The following COX6B1 variants were observed in gnomAD, a reference collection of about 807,000 sequenced individuals.
COX6B1 encodes COX VIb-1.
A neutral mutation model predicts 14.0 loss-of-function variants in COX6B1; 2 were observed. That is an observed-to-expected ratio of 0.14 (90% CI 0.06 to 0.45). COX6B1 has a LOEUF of 0.45. Ranked by LOEUF, COX6B1 falls within the 20% of genes least tolerant of loss-of-function variation. The pLI, the probability that COX6B1 is intolerant of heterozygous loss-of-function variation, is 0.98. For synonymous variants in COX6B1, 30 were observed against 39.7 expected (o/e 0.76, Z 0.92); for missense variants, 81 against 114.2 (o/e 0.71, Z 1.33).
At chr19:35,656,143 T>TA (rs1017679400) in intron 3 of COX6B1, among the ~76,000 whole-genome samples, 37 of 152,030 alleles carry the variant, frequency 2.4e-4, no homozygotes, top group African/African-American at 8.2e-4. Context: ...TCTTTCAAAA[T>TA]AAAAAAAATT....
rs1482879374 is a variant in COX6B1 at position 35,654,677 on chromosome 19, T to C, written c.207+6T>C. On this transcript the variant is annotated splice_donor_region_variant and intron_variant, in intron 3 of 3. Transcript: ENST00000649813. ...CCCTCTGCCCCACATCCTGGGTATG[T>C]GCCTCCTGCCAGGGCCCTTGGGATG... 18 of 1,613,552 alleles carry C rather than the reference T, an allele frequency of 1.1e-5. No homozygotes were observed. The South Asian group carries it at 1.9e-4, about 17-fold the overall frequency.
intron 1 of COX6B1, among the ~76,000 whole-genome samples, chr19:35,650,204 A>T (rs149739708): frequency 6.6e-6 from 1 of 151,894 alleles, no homozygotes; most frequent in East Asian, 1.9e-4. Flanking sequence ...GGGTTTCACC[A>T]TGTTGGCCAG....
Position 35,648,498 on chromosome 19 carries a change from G to A in COX6B1, c.-12+95G>A, listed in dbSNP as rs912464287. ...TGAGAACGGGTTGAGGCTTCCGGCT[G>A]GCGGCGTCCGGCCTCCCTGGACCCC... On this transcript the variant is annotated intron_variant, in intron 1 of 3. Coordinates refer to ENST00000649813, the MANE Select transcript of COX6B1 (RefSeq NM_001863.5). The A allele has an allele frequency of 9.4e-5, 21 of 224,512 alleles. No homozygotes were observed. In the South Asian group the frequency reaches 9.8e-4, roughly 10 times the overall value. The allele number at this position is 224,512 out of a possible 1,614,324, so 13.9% of individuals were successfully genotyped here. A position where few individuals can be genotyped will look rare whatever the true frequency, so the allele number is the denominator to read the frequency against.
chr19:35,648,728 C>T, intron 1 of COX6B1: 2 of 436,148 alleles, frequency 4.6e-6, no homozygotes, highest in Admixed American at 2.5e-5. Flanking sequence ...CAGGATTTGG[C>T]CCAGGAGTTT....
At position 35,658,702 on chromosome 19, in the gene COX6B1, G is replaced by A; in HGVS notation, c.*55G>A. 2 of 1,525,536 alleles carry A rather than the reference G, an allele frequency of 1.3e-6. No homozygotes were observed. The highest frequency in any genetic ancestry group is 1.8e-6 in the Non-Finnish European group (2 of 1,099,620). 94.5% of individuals were successfully genotyped at this position (1,525,536 alleles called of 1,614,324 possible). ...CCATCCTTCTCCCAGGATGGTGAAG[G>A]GGGACCTGGTACCCAGTGATCCCCA... On this transcript the variant is annotated 3_prime_UTR_variant, in exon 4 of 4. Coordinates refer to ENST00000649813, the MANE Select transcript of COX6B1 (RefSeq NM_001863.5).
chr19:35,653,736 G>A (rs974841102), intron 2 of COX6B1, among the ~76,000 whole-genome samples: 4 of 150,890 alleles, frequency 2.7e-5, no homozygotes, highest in Non-Finnish European at 5.9e-5. Flanking sequence ...GCCCGCCACC[G>A]CGCCCAGCTA....
chr19:35,648,662 T>C, intron 1 of COX6B1: 1 of 360,398 alleles, frequency 2.8e-6, no homozygotes, highest in South Asian at 2.0e-5. Flanking sequence ...TTATCCCCTT[T>C]TGTCAGTAAA....
Position 35,658,640 on chromosome 19 carries a change from A to G in COX6B1, c.254A>G (p.Lys85Arg). Residue 85 changes from lysine to arginine, a missense_variant, in exon 4 of 4, where the codon AAG becomes AGG. Physicochemically the swap from Lys to Arg is conservative, Grantham distance 26 (BLOSUM62 2). Coordinates refer to ENST00000649813, the MANE Select transcript of COX6B1 (RefSeq NM_001863.5). The stretch of plus-strand genomic sequence containing the variant: ...CGGGCTGAAGGCACGTTTCCCGGGA[A>G]GATCTGAACTGGCTGCATCTCCCTT... ...EQRAEGTFPGKI is the reference protein window; with the variant it reads ...EQRAEGTFPGRI The G allele has an allele frequency of 6.2e-7, 1 of 1,613,880 alleles. No individual in the cohort carries two copies. Among genetic ancestry groups the G allele is most frequent in the Non-Finnish European group, 8.5e-7 (1 of 1,179,806 alleles).
chr19:35,654,026 C>G (rs1190384052), intron 2 of COX6B1, among the ~76,000 whole-genome samples: 2 of 152,242 alleles, frequency 1.3e-5, no homozygotes, highest in African/African-American at 2.4e-5. Flanking sequence ...AGATTCACCT[C>G]TTTGTGAACT....
chr19:35,654,688 A>G lies in COX6B1; in HGVS notation c.207+17A>G. The G allele has an allele frequency of 6.2e-7, 1 of 1,611,574 alleles. No individual in the cohort carries two copies. The highest frequency in any genetic ancestry group is 8.5e-7 in the Non-Finnish European group (1 of 1,177,876). On this transcript the variant is annotated intron_variant, in intron 3 of 3. Transcript: ENST00000649813. The stretch of plus-strand genomic sequence containing the variant: ...ACATCCTGGGTATGTGCCTCCTGCC[A>G]GGGCCCTTGGGATGCTGGGGTGGGG...
At chr19:35,655,473 A>C (rs1967878699) in intron 3 of COX6B1, among the ~76,000 whole-genome samples, 2 of 152,102 alleles carry the variant, frequency 1.3e-5, no homozygotes, top group African/African-American at 4.8e-5. Flanking sequence ...AAGTATTCTA[A>C]AGCAAGTCCC....
At chr19:35,656,001 A>AT (rs1053199642) in intron 3 of COX6B1, among the ~76,000 whole-genome samples, 6 of 151,636 alleles carry the variant, frequency 4.0e-5, no homozygotes, top group South Asian at 2.1e-4. Context: ...CAATTTTTGT[A>AT]TTTTTTTTGT....
intron 1 of COX6B1, among the ~76,000 whole-genome samples, chr19:35,649,942 T>C (rs1967806222): frequency 6.6e-6 from 1 of 152,086 alleles, no homozygotes; most frequent in Non-Finnish European, 1.5e-5. Context: ...GGTATTCTTA[T>C]ACCACATTAT....
Position 35,654,526 on chromosome 19 carries a change from G to A in COX6B1, c.107-45G>A, listed in dbSNP as rs3761091. On this transcript the variant is annotated intron_variant, in intron 2 of 3. Transcript: ENST00000649813. ...CTACCTCAAAAAAAAAAAAAAATGT[G>A]TTCCAACTCTTGATCTGGGCTGACT... The A allele has an allele frequency of 7.1e-3, 10,631 of 1,494,070 alleles. 437 individuals carry two copies. The East Asian group carries it at 0.11, about 15-fold the overall frequency. 92.6% of individuals were successfully genotyped at this position (1,494,070 alleles called of 1,614,324 possible).
chr19:35,658,744 C>A lies in COX6B1; in HGVS notation c.*97C>A. Reference sequence around the variant, plus strand: ...TGATCCCCACCCCAGGATCCTAAATCATGACTTACCTGCTAATAAAAACTC... The same window carrying A: ...TGATCCCCACCCCAGGATCCTAAATAATGACTTACCTGCTAATAAAAACTC... On this transcript the variant is annotated 3_prime_UTR_variant, in exon 4 of 4. Transcript: ENST00000649813. The A allele has an allele frequency of 9.3e-7, 1 of 1,080,666 alleles. No individual in the cohort carries two copies. Among genetic ancestry groups the A allele is most frequent in the South Asian group, 1.3e-5 (1 of 79,072 alleles). 66.9% of individuals were successfully genotyped at this position (1,080,666 alleles called of 1,614,324 possible).
intron 1 of COX6B1, among the ~76,000 whole-genome samples, chr19:35,650,057 G>T (rs1452526764): frequency 1.3e-5 from 2 of 148,980 alleles, no homozygotes; most frequent in Non-Finnish European, 1.5e-5. Flanking sequence ...AGGTTGGAGT[G>T]CACTGGCACA....
chr19:35,657,641 G>A lies in COX6B1; in HGVS notation c.208-953G>A, dbSNP rs572470359. 4.7e-5 allele frequency among the ~76,000 whole-genome samples: 7 copies of A among 149,706 alleles called. No individual in the cohort carries two copies. In the East Asian group the frequency reaches 1.4e-3, roughly 29 times the overall value. On this transcript the variant is annotated intron_variant, in intron 3 of 3. Coordinates refer to ENST00000649813, the MANE Select transcript of COX6B1 (RefSeq NM_001863.5). ...GTTAACTTGACATAGGCCTTATATG[G>A]GCCTTTTCATTTTTTTTTTTTTTTT... is the stretch of plus-strand genomic sequence containing the variant.
intron 1 of COX6B1, 116 bp downstream of exon 1, chr19:35,648,519 A>G (rs560266295): frequency 2.2e-5 from 5 of 225,220 alleles, no homozygotes; most frequent in African/African-American, 1.2e-4. Flanking sequence ...GCCTCCCTGG[A>G]CCCCGGGGCC....
intron 1 of COX6B1, 141 bp from the exon 2 acceptor site, chr19:35,651,092 A>C: frequency 1.5e-6 from 1 of 684,666 alleles, no homozygotes; most frequent in South Asian, 1.5e-5. Context: ...CCTGCCCCTC[A>C]TCTCTGTGTA....
Sources: gnomAD v4.1 joint callset for allele counts (sites outside exome capture counted in the v4.1 genomes callset) on GRCh38, gnomAD v4.1.1 for gene constraint, MANE v1.5 for transcripts, NCBI Gene and HGNC (gene_info 2026-07-23, HGNC 2026-07-21) for gene names.